FAM110A: variants seen among roughly 807,000 people sequenced by gnomAD.
FAM110A encodes the protein family with sequence similarity 110 member A.
FAM110A carries 1 observed loss-of-function variant against 4.0 expected under a neutral mutation model. The observed-to-expected ratio is 0.25, with a 90% CI of 0.09 to 1.20. The LOEUF is 1.20. Ranked by LOEUF, FAM110A falls within the 50% of genes most tolerant of loss-of-function variation. The pLI, the probability that FAM110A is intolerant of heterozygous loss-of-function variation, is 0.50. For synonymous variants in FAM110A, 217 were observed against 196.8 expected (o/e 1.10, Z -0.86); for missense variants, 436 against 429.2 (o/e 1.02, Z -0.14).
chr20:845,506 GGCAGGGCCCAGT>G lies in FAM110A; in HGVS notation c.705_716del (p.Ser238_Pro241del). 6.2e-7 allele frequency: 1 copy of G among 1,612,398 alleles called. No homozygotes were observed. The highest frequency in any genetic ancestry group is 8.5e-7 in the Non-Finnish European group (1 of 1,179,266). On this transcript the variant is annotated inframe_deletion, in exon 2 of 2. Coordinates refer to ENST00000381941, the MANE Select transcript of FAM110A (RefSeq NM_001042353.3). ...GGGCCAGCTCGGATATCGTGTCCCT[GGCAGGGCCCAGT>G]GCTGGGCCGGGCAGCTCTGAAGGGG...
At chr20:842,801 C>T (rs548670922) in intron 1 of FAM110A, among the ~76,000 whole-genome samples, 1 of 152,288 alleles carries the variant, frequency 6.6e-6, no homozygotes, top group South Asian at 2.1e-4. Context: ...AATACACCTA[C>T]CACCTTGGAC....
chr20:841,441 G>C (rs112866959), intron 1 of FAM110A: 14,852 of 152,296 alleles, frequency 0.098, 1,146 homozygotes, highest in African/African-American at 0.21. Context: ...CCGCGGGGAT[G>C]GTGCCGCTCT....
At chr20:844,266 A>C (rs1436976623) in intron 1 of FAM110A, among the ~76,000 whole-genome samples, 2 of 152,052 alleles carry the variant, frequency 1.3e-5, no homozygotes, top group Non-Finnish European at 2.9e-5. Flanking sequence ...AGAGCCACCT[A>C]CTCGCTGGGT....
At chr20:842,796 A>T (rs961089085) in intron 1 of FAM110A, among the ~76,000 whole-genome samples, 1 of 152,108 alleles carries the variant, frequency 6.6e-6, no homozygotes, top group Non-Finnish European at 1.5e-5. Context: ...GGAACAATAC[A>T]CCTACCACCT....
intron 1 of FAM110A, among the ~76,000 whole-genome samples, chr20:835,198 C>CTATA (rs1375050641): frequency 0.015 from 2,027 of 138,610 alleles, 18 homozygotes; most frequent in Non-Finnish European, 0.02. Flanking sequence ...CTCTCTCTCT[C>CTATA]TCTATATATA....
At position 845,001 on chromosome 20, in the gene FAM110A, C is replaced by A; in HGVS notation, c.197C>A (p.Pro66His). ...SLHVANTRQE[P>H]VQPLLSKQPL... ...CACGTGGCCAACACCCGCCAGGAGC[C>A]TGTGCAGCCCCTGCTGTCCAAACAG... Residue 66 changes from proline (P) to histidine (H), a missense_variant, in exon 2 of 2, where the codon CCT becomes CAT. Pro to His is a moderately conservative substitution (Grantham distance 77). Transcript: ENST00000381941. 6.3e-7 allele frequency: 1 copy of A among 1,596,966 alleles called. No homozygotes were observed. Among genetic ancestry groups the A allele is most frequent in the Admixed American group, 1.7e-5 (1 of 57,868 alleles).
Position 845,199 on chromosome 20 carries a change from G to A in FAM110A, c.395G>A (p.Gly132Glu). 2 of 1,558,868 alleles carry A rather than the reference G, an allele frequency of 1.3e-6. No homozygotes were observed. The highest frequency in any genetic ancestry group is 1.7e-6 in the Non-Finnish European group (2 of 1,156,842). Residue 132 changes from glycine to glutamate, a missense_variant, in exon 2 of 2, where the codon GGA (glycine) becomes GAA (glutamate). Gly to Glu is a moderately conservative substitution (Grantham distance 98). Coordinates refer to ENST00000381941, the MANE Select transcript of FAM110A (RefSeq NM_001042353.3). ...AGCCGCACTCCTGGACGGGCCGAGG[G>A]AGCCGGCCGTCCTCCCCCAGCCACC... ...EASRTPGRAE[G>E]AGRPPPATPP...
At chr20:838,324 T>C (rs533252605) in intron 1 of FAM110A, among the ~76,000 whole-genome samples, 8 of 152,358 alleles carry the variant, frequency 5.3e-5, no homozygotes, top group South Asian at 4.1e-4. Context: ...CTTACTGATA[T>C]AAGAAAAAGC....
At position 840,746 on chromosome 20, in the gene FAM110A, G is replaced by T. The variant is rs147847226; in HGVS notation, c.-97-3962G>T. ...GGACACACAGCTAGAAAGTGGTGGC[G>T]TTAAGCCTTGGTCTGGAGGGAAAGT... On this transcript the variant is annotated intron_variant, in intron 1 of 1. Coordinates refer to ENST00000381941, the MANE Select transcript of FAM110A (RefSeq NM_001042353.3). This position sits in a 1 kb window ranked among gnomAD's most constrained non-coding sequence, Gnocchi z 4.4. Among the ~76,000 whole-genome samples, 1 of 152,152 alleles carries T rather than the reference G, an allele frequency of 6.6e-6. No homozygotes were observed. Among genetic ancestry groups the T allele is most frequent in the Non-Finnish European group, 1.5e-5 (1 of 68,040 alleles).
chr20:838,298 T>C (rs1029061934), intron 1 of FAM110A, among the ~76,000 whole-genome samples: 1 of 152,224 alleles, frequency 6.6e-6, no homozygotes, highest in African/African-American at 2.4e-5. Flanking sequence ...TTCCTCTCTT[T>C]CTTTCTTCTC....
At chr20:842,161 C>T (rs1193452026) in intron 1 of FAM110A, among the ~76,000 whole-genome samples, 1 of 152,192 alleles carries the variant, frequency 6.6e-6, no homozygotes, top group African/African-American at 2.4e-5. Flanking sequence ...TGTAAAGAGG[C>T]GAAGCTGCTT....
chr20:833,778 A>G lies in FAM110A; in HGVS notation c.-271A>G, dbSNP rs1188791032. On this transcript the variant is annotated 5_prime_UTR_variant, in exon 1 of 2. Coordinates refer to ENST00000381941, the MANE Select transcript of FAM110A (RefSeq NM_001042353.3). The surrounding 1 kb of genome is among the most constrained non-coding windows in gnomAD (Gnocchi z 4.1). ...GTGGGGGCCTTCGACAGTGAGGGCC[A>G]CCCGCTCAGCTCGACCGCGGAGGGC... 1 of 152,210 alleles carries G rather than the reference A, an allele frequency of 6.6e-6. No individual in the cohort carries two copies. Among genetic ancestry groups the G allele is most frequent in the Non-Finnish European group, 1.5e-5 (1 of 68,066 alleles). 9.4% of individuals were successfully genotyped at this position (152,210 alleles called of 1,614,324 possible). A position where few individuals can be genotyped will look rare whatever the true frequency, so the allele number is the denominator to read the frequency against.
intron 1 of FAM110A, chr20:841,220 T>G (rs1244880268): frequency 6.6e-6 from 1 of 152,232 alleles, no homozygotes; most frequent in African/African-American, 2.4e-5. Context: ...GCGGGTTCAC[T>G]TGCCCGCGGC....
rs1165448465 is a variant in FAM110A at position 836,395 on chromosome 20, C to T, written c.-98+2444C>T. Among the ~76,000 whole-genome samples the T allele has an allele frequency of 2.6e-5, 4 of 152,156 alleles. 1 individual carries two copies. Among genetic ancestry groups the T allele is most frequent in the Non-Finnish European group, 5.9e-5 (4 of 68,026 alleles). ...CCAGTGCCTGGCAATCACCATTCTA[C>T]TTTCTGTTTGAGTGAATTTGACTAC... On this transcript the variant is annotated intron_variant, in intron 1 of 1. Transcript: ENST00000381941.
At chr20:844,017 G>T (rs1218850639) in intron 1 of FAM110A, among the ~76,000 whole-genome samples, 2 of 152,228 alleles carry the variant, frequency 1.3e-5, no homozygotes, top group Non-Finnish European at 2.9e-5. Context: ...GGACTCCACT[G>T]GGGCGCGGGT....
chr20:839,894 G>T, intron 1 of FAM110A: 1 of 1,603,902 alleles, frequency 6.2e-7, no homozygotes, highest in Non-Finnish European at 8.5e-7. Flanking sequence ...GCTTAGGCAT[G>T]TGGACATCCT....
Position 845,174 on chromosome 20 carries a change from A to C in FAM110A, c.370A>C (p.Ser124Arg). ...CAGCCCCGTGTCCCCTGCCGAGGCC[A>C]GCCGCACTCCTGGACGGGCCGAGGG... ...CDSPVSPAEA[S>R]RTPGRAEGAG... is the part of the protein sequence containing the mutation. Residue 124 changes from serine (S) to arginine (R), a missense_variant, in exon 2 of 2, where the codon AGC becomes CGC. Coordinates refer to ENST00000381941, the MANE Select transcript of FAM110A (RefSeq NM_001042353.3). 6.4e-7 allele frequency: 1 copy of C among 1,571,664 alleles called. No individual in the cohort carries two copies. The highest frequency in any genetic ancestry group is 8.6e-7 in the Non-Finnish European group (1 of 1,162,542).
Position 845,223 on chromosome 20 carries a change from C to G in FAM110A, c.419C>G (p.Thr140Ser). The change falls in exon 2 of 2, where the codon ACC (threonine) becomes AGC (serine). Residue 140 changes from threonine to serine, a missense_variant. Thr to Ser is a moderately conservative substitution (Grantham distance 58). Coordinates refer to ENST00000381941, the MANE Select transcript of FAM110A (RefSeq NM_001042353.3). Reference sequence around the variant, plus strand: ...GGAGCCGGCCGTCCTCCCCCAGCCACCCCTCCGCGACCGCCGCCCAGTACC... The same window carrying G: ...GGAGCCGGCCGTCCTCCCCCAGCCAGCCCTCCGCGACCGCCGCCCAGTACC... ...AEGAGRPPPA[T>S]PPRPPPSTSA... The G allele has an allele frequency of 6.5e-7, 1 of 1,539,464 alleles. No homozygotes were observed.
At position 834,996 on chromosome 20, in the gene FAM110A, C is replaced by T. The variant is rs908644538; in HGVS notation, c.-98+1045C>T. ...TTTTACTTATTAGCAAATGTATCAT[C>T]TTCTCCCACTGTGATGCAAGGCAGG... is the stretch of plus-strand genomic sequence containing the variant. On this transcript the variant is annotated intron_variant, in intron 1 of 1. Coordinates refer to ENST00000381941, the MANE Select transcript of FAM110A (RefSeq NM_001042353.3). This position sits in a 1 kb window ranked among gnomAD's most constrained non-coding sequence, Gnocchi z 5.6. Among the ~76,000 whole-genome samples, 9 of 152,070 alleles carry T rather than the reference C, an allele frequency of 5.9e-5. No individual in the cohort carries two copies. The highest frequency in any genetic ancestry group is 2.2e-4 in the African/African-American group (9 of 41,382).
Sources: gnomAD v4.1 joint callset for allele counts (sites outside exome capture counted in the v4.1 genomes callset) on GRCh38, gnomAD v4.1.1 for gene constraint, Gnocchi (gnomAD v3.1) non-coding constraint, MANE v1.5 for transcripts, NCBI Gene and HGNC (gene_info 2026-07-23, HGNC 2026-07-21) for gene names.